TEX22: variants seen among roughly 807,000 people sequenced by gnomAD.
TEX22 encodes testis-expressed protein 22.
TEX22 carries 16 observed loss-of-function variants against 11.3 expected under a neutral mutation model. The ratio of observed to expected loss-of-function variants is 1.42; its 90% confidence interval spans 0.96 to 2.15. TEX22 has a LOEUF of 2.15. TEX22 is among the 30% of genes most tolerant of loss of function. TEX22 has a pLI of 0.00. For missense variants in TEX22, 220 were observed against 208.6 expected, an observed-to-expected ratio of 1.05 and a Z score of -0.34; for synonymous variants, 97 against 92.3, an observed-to-expected ratio of 1.05 and a Z score of -0.29.
intron 2 of TEX22, 48 bp from the exon 3 acceptor site, chr14:105,411,320 G>C (rs370975208): frequency 1.4e-5 from 18 of 1,265,076 alleles, no homozygotes; most frequent in South Asian, 2.5e-5. Context: ...GAGCGGCGAA[G>C]GGGAGCTGGC....
intron 2 of TEX22, among the ~76,000 whole-genome samples, chr14:105,403,913 G>A (rs141151119): frequency 2.1e-3 from 323 of 152,272 alleles, no homozygotes; most frequent in African/African-American, 7.5e-3. Flanking sequence ...TCTAACTCCT[G>A]GCCTTCCTAA....
rs1566982955 is a variant in TEX22, at chr14:105,399,487, C to G, written c.147C>G (p.Asp49Glu). 6.5e-7 allele frequency: 1 copy of G among 1,530,868 alleles called. No homozygotes were observed. Among genetic ancestry groups the G allele is most frequent in the South Asian group, 1.2e-5 (1 of 83,866 alleles). The allele number at this position is 1,530,868 out of a possible 1,614,324, so 94.8% of individuals were successfully genotyped here. The change falls in exon 2 of 4, where the codon GAC (aspartate) becomes GAG (glutamate). Residue 49 changes from aspartate to glutamate, a missense_variant. Transcript: ENST00000451127. ...SSVQQGLQTQ[D>E]WVCEPPERRR... is the part of the protein sequence containing the mutation. Reference sequence around the variant, plus strand: ...TTCAGCAGGGACTGCAGACTCAGGACTGGGTAAGCGGAAGGAAACCCTGGC... The same window carrying G: ...TTCAGCAGGGACTGCAGACTCAGGAGTGGGTAAGCGGAAGGAAACCCTGGC...
intron 2 of TEX22, among the ~76,000 whole-genome samples, chr14:105,400,879 C>A (rs2081623089): frequency 6.6e-6 from 1 of 152,126 alleles, no homozygotes; most frequent in African/African-American, 2.4e-5. Context: ...GGTGGGCACT[C>A]CCAAACAAGA....
chr14:105,410,808 C>G (rs2081685577), intron 2 of TEX22, among the ~76,000 whole-genome samples: 1 of 152,198 alleles, frequency 6.6e-6, no homozygotes. Flanking sequence ...CTGGGGACCT[C>G]ACCTGCTTCT....
intron 2 of TEX22, among the ~76,000 whole-genome samples, chr14:105,406,377 G>A (rs2081658633): frequency 6.6e-6 from 1 of 152,184 alleles, no homozygotes; most frequent in Non-Finnish European, 1.5e-5. Context: ...AATCTATGAA[G>A]AGATGCTTGA....
rs1283473105 is a variant in TEX22, at chr14:105,399,358, G to T, written c.18G>T (p.Leu6=). Residue 6 remains leucine (L), a synonymous_variant, in exon 2 of 4, where the codon CTG becomes CTT. Transcript: ENST00000451127. The part of the protein sequence containing the change: MDSRK[L]SPRGKKLESH... ...GGCTAGAGATGGACAGCAGGAAACT[G>T]TCCCCCCGGGGGAAGAAGCTGGAGT... 2 of 1,535,460 alleles carry T rather than the reference G, an allele frequency of 1.3e-6. No individual in the cohort carries two copies. Among genetic ancestry groups the T allele is most frequent in the African/African-American group, 2.7e-5 (2 of 72,980 alleles).
At chr14:105,401,125 C>T (rs782605843) in intron 2 of TEX22, among the ~76,000 whole-genome samples, 2 of 152,234 alleles carry the variant, frequency 1.3e-5, no homozygotes, top group African/African-American at 2.4e-5. Flanking sequence ...TGCACACTTC[C>T]GCCTGCCAGG....
chr14:105,411,714 C>T lies in TEX22; in HGVS notation c.334C>T (p.Leu112Phe). ...LVSEDVDKDVLLPHPLRSTES... is the reference protein window; with the variant it reads ...LVSEDVDKDVFLPHPLRSTES... Reference sequence around the variant, plus strand: ...GTCGGAGGACGTGGACAAGGACGTGCTCCTTCCCCACCCGCTGAGGTCCAC... The same window carrying T: ...GTCGGAGGACGTGGACAAGGACGTGTTCCTTCCCCACCCGCTGAGGTCCAC... Residue 112 changes from leucine to phenylalanine, a missense_variant, in exon 4 of 4, where the codon CTC becomes TTC. Physicochemically the swap from Leu to Phe is conservative, Grantham distance 22. Coordinates refer to ENST00000451127, the MANE Select transcript of TEX22 (RefSeq NM_001195082.2). 6.5e-7 allele frequency: 1 copy of T among 1,528,758 alleles called. No homozygotes were observed. The highest frequency in any genetic ancestry group is 1.2e-5 in the South Asian group (1 of 83,928). The allele number at this position is 1,528,758 out of a possible 1,614,324, so 94.7% of individuals were successfully genotyped here.
intron 3 of TEX22, 25 bp downstream of exon 3, chr14:105,411,521 G>GGGGGGCC: frequency 4.4e-5 from 20 of 458,464 alleles, no homozygotes; most frequent in Middle Eastern, 8.6e-4. Flanking sequence ...GGTCCTCCCC[G>GGGGGGCC]CCCCGTCCCC....
At chr14:105,403,219 T>G (rs587658543) in intron 2 of TEX22, among the ~76,000 whole-genome samples, 3 of 152,368 alleles carry the variant, frequency 2.0e-5, no homozygotes, top group Non-Finnish European at 4.4e-5. Context: ...ATTCTATTGA[T>G]TAAAAGGAAA....
chr14:105,403,511 C>G (rs1419758037), intron 2 of TEX22, among the ~76,000 whole-genome samples: 1 of 152,176 alleles, frequency 6.6e-6, no homozygotes, highest in Non-Finnish European at 1.5e-5. Flanking sequence ...CAGCCTGGAC[C>G]TCCTGGACTC....
At chr14:105,405,022 G>A (rs1401829336) in intron 2 of TEX22, among the ~76,000 whole-genome samples, 16 of 152,160 alleles carry the variant, frequency 1.1e-4, no homozygotes, top group African/African-American at 3.9e-4. Flanking sequence ...GAGGAGGGGG[G>A]TGGGCCATGG....
intron 2 of TEX22, among the ~76,000 whole-genome samples, chr14:105,402,538 A>C (rs1358314394): frequency 4.6e-5 from 7 of 151,952 alleles, no homozygotes; most frequent in Admixed American, 2.0e-4. Flanking sequence ...GCAGATCACA[A>C]GGTCTGGAGA....
At chr14:105,402,743 G>A (rs782581416) in intron 2 of TEX22, among the ~76,000 whole-genome samples, 50 of 143,028 alleles carry the variant, frequency 3.5e-4, no homozygotes, top group South Asian at 1.5e-3. Flanking sequence ...GCGACAGAGC[G>A]AGACTCCGTC....
chr14:105,399,034 C>T (rs1555418040), intron 1 of TEX22, among the ~76,000 whole-genome samples: 1 of 152,246 alleles, frequency 6.6e-6, no homozygotes, highest in Non-Finnish European at 1.5e-5. Context: ...GGAGTCCGTG[C>T]AGCAGGCTGC....
intron 2 of TEX22, among the ~76,000 whole-genome samples, chr14:105,401,604 G>T: frequency 9.0e-6 from 1 of 110,970 alleles, no homozygotes; most frequent in Non-Finnish European, 1.8e-5. Flanking sequence ...AGGGGGGAGG[G>T]ATAGCATTAG....
At chr14:105,401,052 A>T (rs1555418294) in intron 2 of TEX22, among the ~76,000 whole-genome samples, 1 of 152,166 alleles carries the variant, frequency 6.6e-6, no homozygotes, top group Admixed American at 6.5e-5. Flanking sequence ...AATCCTGAGT[A>T]AGTACTAGAC....
At chr14:105,399,277 CA>C in intron 1 of TEX22, 24 bp from the exon 2 acceptor site, 1 of 1,268,068 alleles carries the variant, frequency 7.9e-7, no homozygotes, top group Non-Finnish European at 1.1e-6. Flanking sequence ...GGCCCCGCCC[CA>C]CCTCCCCCTG....
At chr14:105,410,079 TTTTG>T (rs1393819953) in intron 2 of TEX22, among the ~76,000 whole-genome samples, 31 of 152,208 alleles carry the variant, frequency 2.0e-4, no homozygotes, top group Admixed American at 6.5e-4. Context: ...TCCTTACCTT[TTTTG>T]TTTGTTTGTT....
Sources: allele counts gnomAD v4.1 joint callset (sites outside exome capture counted in the v4.1 genomes callset), GRCh38; gene constraint gnomAD v4.1.1; transcripts MANE v1.5; gene names NCBI Gene and HGNC (gene_info 2026-07-23, HGNC 2026-07-21).